EMC7: variants seen among roughly 807,000 people sequenced by gnomAD.
EMC7 encodes endoplasmic reticulum membrane protein complex subunit 7.
EMC7 carries 4 observed loss-of-function variants against 24.4 expected under a neutral mutation model. That is an observed-to-expected ratio of 0.16 (90% CI 0.08 to 0.38). EMC7 has a LOEUF of 0.38. Among genes scored for constraint, EMC7 ranks in the 10% least tolerant of loss-of-function variants. The pLI, the probability that EMC7 is intolerant of heterozygous loss-of-function variation, is 1.00. For synonymous variants in EMC7, 106 were observed against 112.0 expected, an observed-to-expected ratio of 0.95 and a Z score of 0.34; for missense variants, 221 against 300.6, an observed-to-expected ratio of 0.74 and a Z score of 1.96.
At chr15:34,091,011 A>G (rs757431710) in intron 2 of EMC7, among the ~76,000 whole-genome samples, 3 of 152,222 alleles carry the variant, frequency 2.0e-5, no homozygotes, top group Admixed American at 2.0e-4. Flanking sequence ...ATGTTTACAT[A>G]GGATCCATTT....
chr15:34,097,141 C>A (rs1901086987), intron 1 of EMC7, among the ~76,000 whole-genome samples: 1 of 142,944 alleles, frequency 7.0e-6, no homozygotes, highest in Non-Finnish European at 1.5e-5. Context: ...TCACGCCATT[C>A]TCCTTCCTCA....
At chr15:34,089,775 G>A (rs989918552) in intron 3 of EMC7, among the ~76,000 whole-genome samples, 3 of 152,190 alleles carry the variant, frequency 2.0e-5, no homozygotes, top group Admixed American at 1.3e-4. Context: ...TGGCCAAGAT[G>A]GAGAAACTCT....
intron 1 of EMC7, among the ~76,000 whole-genome samples, chr15:34,096,401 C>T (rs888717992): frequency 3.3e-5 from 5 of 151,966 alleles, no homozygotes; most frequent in African/African-American, 1.2e-4. Flanking sequence ...GAACTCCTGA[C>T]CTCGGGTAAT....
rs373494435 is a variant in EMC7, at chr15:34,084,503, C to A, written c.577-17G>T. 1 of 1,609,388 alleles carries A rather than the reference C, an allele frequency of 6.2e-7. No homozygotes were observed. Among genetic ancestry groups the A allele is most frequent in the African/African-American group, 1.3e-5 (1 of 74,976 alleles). On this transcript the variant is annotated splice_polypyrimidine_tract_variant and intron_variant, in intron 4 of 4. Coordinates refer to ENST00000256545, the MANE Select transcript of EMC7 (RefSeq NM_020154.3). Reference sequence around the variant, plus strand: ...CTCCATTTCCTGCAAGAAGACAAGGCACAATGATATGTAGGATCCTTCGAG... The same window carrying A: ...CTCCATTTCCTGCAAGAAGACAAGGAACAATGATATGTAGGATCCTTCGAG...
intron 3 of EMC7, among the ~76,000 whole-genome samples, chr15:34,089,081 C>A (rs1938705311): frequency 6.6e-6 from 1 of 152,160 alleles, no homozygotes; most frequent in Non-Finnish European, 1.5e-5. Context: ...TGGTCTCGAA[C>A]TCCTGACCTT....
chr15:34,096,091 A>C, intron 1 of EMC7, 77 bp from the exon 2 acceptor site: 1 of 1,390,164 alleles, frequency 7.2e-7, no homozygotes, highest in Non-Finnish European at 9.5e-7. Context: ...TCCCAAATCA[A>C]CTCTCCCGAA....
chr15:34,088,078 T>C lies in EMC7; in HGVS notation c.551A>G (p.Asn184Ser). Residue 184 changes from asparagine (N) to serine (S), a missense_variant, in exon 4 of 5, where the codon AAC (asparagine) becomes AGC (serine). Asn to Ser is a conservative substitution (Grantham distance 46). This residue lies in a region of EMC7 where 65 missense variants were observed against 123.4 expected (regional missense o/e 0.53). Coordinates refer to ENST00000256545, the MANE Select transcript of EMC7 (RefSeq NM_020154.3). ...CCGTCTCATGTCAGGATCACTTGTG[T>C]TGACCACTTTAGGCAGAAGCACAAA... ...LIFVLLPKVV[N>S]TSDPDMRREM... The C allele has an allele frequency of 6.2e-7, 1 of 1,612,664 alleles. No homozygotes were observed. Among genetic ancestry groups the C allele is most frequent in the Non-Finnish European group, 8.5e-7 (1 of 1,179,552 alleles).
At chr15:34,088,199 A>G (rs1900920565) in intron 3 of EMC7, 66 bp from the exon 4 acceptor site, 4 of 1,313,824 alleles carry the variant, frequency 3.0e-6, no homozygotes, top group Non-Finnish European at 4.3e-6. Flanking sequence ...CAAAAACTGC[A>G]CTTAACAACC....
At chr15:34,089,813 G>A (rs1432995601) in intron 3 of EMC7, among the ~76,000 whole-genome samples, 18 of 152,272 alleles carry the variant, frequency 1.2e-4, no homozygotes, top group African/African-American at 2.9e-4. Flanking sequence ...AAAATTAGCC[G>A]GGCGTGGTGG....
intron 2 of EMC7, among the ~76,000 whole-genome samples, chr15:34,094,971 G>C (rs1214330314): frequency 2.0e-5 from 3 of 152,178 alleles, no homozygotes; most frequent in Non-Finnish European, 2.9e-5. Context: ...ACAAATTTTA[G>C]GAGTAAACAC....
chr15:34,096,003 C>T lies in EMC7; in HGVS notation c.248G>A (p.Ser83Asn). Reference sequence around the variant, plus strand: ...AGAAGGTATATCATGAACCACAAAACTCCCATCTGTCCTGGAAAAATGAAA... The same window carrying T: ...AGAAGGTATATCATGAACCACAAAATTCCCATCTGTCCTGGAAAAATGAAA... ...EHVGFLKTDGSFVVHDIPSGS... is the reference protein window; with the variant it reads ...EHVGFLKTDGNFVVHDIPSGS... The change falls in exon 2 of 5, where the codon AGT (serine) becomes AAT (asparagine). Residue 83 changes from serine (S) to asparagine (N), a missense_variant. By Grantham distance (46) the Ser-to-Asn change is conservative. Transcript: ENST00000256545. The T allele has an allele frequency of 1.3e-6, 2 of 1,571,184 alleles. No homozygotes were observed. Among genetic ancestry groups the T allele is most frequent in the Non-Finnish European group, 1.7e-6 (2 of 1,151,098 alleles).
At chr15:34,088,366 CT>C (rs1900923897) in intron 3 of EMC7, among the ~76,000 whole-genome samples, 1 of 151,914 alleles carries the variant, frequency 6.6e-6, no homozygotes, top group Non-Finnish European at 1.5e-5. Flanking sequence ...TATGTTTGGA[CT>C]TTATAGACAC....
intron 2 of EMC7, among the ~76,000 whole-genome samples, chr15:34,093,806 C>CACATATATAT (rs61440619): frequency 3.3e-5 from 1 of 30,248 alleles, no homozygotes; most frequent in African/African-American, 8.7e-5. Flanking sequence ...CACACACACA[C>CACATATATAT]ATATATATAT....
intron 2 of EMC7, 88 bp from the exon 3 acceptor site, chr15:34,090,543 T>C: frequency 7.5e-7 from 1 of 1,334,624 alleles, no homozygotes; most frequent in Non-Finnish European, 9.9e-7. Flanking sequence ...TAGCAATGCC[T>C]TATACACACT....
rs1351938527 is a variant in EMC7, at chr15:34,084,231, G to C, written c.*103C>G. The stretch of plus-strand genomic sequence containing the variant: ...TACACAGTTGTAAGAGATCAACGTC[G>C]GGATGACTCAAGTTTATAGTAGTTG... On this transcript the variant is annotated 3_prime_UTR_variant, in exon 5 of 5. Coordinates refer to ENST00000256545, the MANE Select transcript of EMC7 (RefSeq NM_020154.3). The C allele has an allele frequency of 4.3e-6, 6 of 1,394,360 alleles. No homozygotes were observed. Among genetic ancestry groups the C allele is most frequent in the African/African-American group, 1.4e-5 (1 of 69,192 alleles). 86.4% of individuals were successfully genotyped at this position (1,394,360 alleles called of 1,614,324 possible).
intron 2 of EMC7, among the ~76,000 whole-genome samples, chr15:34,093,823 A>ATATATATATTTTTTTTT (rs1190830993): frequency 4.1e-5 from 2 of 48,698 alleles, no homozygotes; most frequent in African/African-American, 2.2e-4. Context: ...ATATATATAT[A>ATATATATATTTTTTTTT]TTTTTTTTTT....
intron 2 of EMC7, among the ~76,000 whole-genome samples, chr15:34,093,828 T>A (rs866561858): frequency 0.19 from 14,490 of 74,796 alleles, 1,637 homozygotes; most frequent in Middle Eastern, 0.26. Flanking sequence ...TATATATTTT[T>A]TTTTTTTTTT....
rs568943786 is a variant in EMC7, at chr15:34,085,260, G to A, written c.577-774C>T. 3.7e-3 allele frequency among the ~76,000 whole-genome samples: 570 copies of A among 152,264 alleles called. 1 individual carries two copies. The highest frequency in any genetic ancestry group is 6.3e-3 in the Non-Finnish European group (427 of 68,018). On this transcript the variant is annotated intron_variant, in intron 4 of 4. Transcript: ENST00000256545. Reference sequence around the variant, plus strand: ...AAAGCAAGCAACACACTGTTACAAAGAAGTCATTGGCAAAACAGGATAGGA... The same window carrying A: ...AAAGCAAGCAACACACTGTTACAAAAAAGTCATTGGCAAAACAGGATAGGA...
In EMC7 at chr15:34,090,468, C is replaced by T; in HGVS notation, c.357-13G>A. On this transcript the variant is annotated splice_polypyrimidine_tract_variant and intron_variant, in intron 2 of 4. Coordinates refer to ENST00000256545, the MANE Select transcript of EMC7 (RefSeq NM_020154.3). Reference sequence around the variant, plus strand: ...CACATATCTTGCTCTGATAAAGCAACATGGGGAAAGCAACAGTAATTCCAT... The same window carrying T: ...CACATATCTTGCTCTGATAAAGCAATATGGGGAAAGCAACAGTAATTCCAT... The T allele has an allele frequency of 6.2e-7, 1 of 1,600,726 alleles. No homozygotes were observed. Among genetic ancestry groups the T allele is most frequent in the Non-Finnish European group, 8.5e-7 (1 of 1,174,382 alleles).
Sources: allele counts gnomAD v4.1 joint callset (sites outside exome capture counted in the v4.1 genomes callset), GRCh38; gene constraint gnomAD v4.1.1; regional missense constraint gnomAD v4.1.1; transcripts MANE v1.5; gene names NCBI Gene and HGNC (gene_info 2026-07-23, HGNC 2026-07-21).